The following RGS12 variants were observed in gnomAD, a reference collection of about 807,000 sequenced individuals.
RGS12 encodes the protein regulator of G protein signaling 12, also known as regulator of G-protein signaling 12.
RGS12 carries 66 observed loss-of-function variants against 120.1 expected under a neutral mutation model. That is an observed-to-expected ratio of 0.55 (90% confidence interval 0.45 to 0.67). The LOEUF is 0.67. Among genes scored for constraint, RGS12 ranks in the 30% least tolerant of loss-of-function variants. RGS12 has a pLI of 0.00. For missense variants in RGS12, 1,859 were observed against 1,957.7 expected, an observed-to-expected ratio of 0.95 and a Z score of 0.95; for synonymous variants, 827 against 804.7, an observed-to-expected ratio of 1.03 and a Z score of -0.47.
At chr4:3,307,343 G>A (rs566658006) in intron 1 of RGS12, among the ~76,000 whole-genome samples, 5 of 152,328 alleles carry the variant, frequency 3.3e-5, no homozygotes, top group African/African-American at 1.2e-4. Context: ...CATGAGGTCC[G>A]TCTCCACCAA....
intron 2 of RGS12, among the ~76,000 whole-genome samples, chr4:3,330,350 A>T (rs1711697321): frequency 6.6e-6 from 1 of 152,200 alleles, no homozygotes; most frequent in South Asian, 2.1e-4. Flanking sequence ...GAGGTCTTTC[A>T]TTAGCAAGTT....
At chr4:3,414,515 G>A (rs1722122554) in intron 5 of RGS12, 2 of 600,784 alleles carry the variant, frequency 3.3e-6, no homozygotes, top group East Asian at 5.5e-5. Flanking sequence ...CTTCCTATCT[G>A]TGTTAAGAAG....
At chr4:3,420,401 G>A (rs1722878309) in intron 9 of RGS12, 1 of 591,960 alleles carries the variant, frequency 1.7e-6, no homozygotes, top group East Asian at 2.9e-5. Context: ...AGACAGGGCA[G>A]AGAGTAGCAT....
rs117011900 is a variant in RGS12, at chr4:3,379,427, A to G, written c.1999-6989A>G. Among the ~76,000 whole-genome samples, 40 of 152,334 alleles carry G rather than the reference A, an allele frequency of 2.6e-4. No homozygotes were observed. The East Asian group carries it at 7.3e-3, about 28-fold the overall frequency. ...AGTGAGGTGGTGGAGGTACATGTTA[A>G]TTCACTTGATTGTGATAATCATATT... is the stretch of plus-strand genomic sequence containing the variant. On this transcript the variant is annotated intron_variant, in intron 3 of 17. Transcript: ENST00000336727.
chr4:3,360,004 C>T (rs180852524), intron 3 of RGS12, among the ~76,000 whole-genome samples: 4,623 of 152,242 alleles, frequency 0.03, 218 homozygotes, highest in African/African-American at 0.099. Flanking sequence ...AAGTGATCTG[C>T]CTGCCTTGGC....
rs73077162 is a variant in RGS12 at position 3,372,318 on chromosome 4, C to A, written c.1999-14098C>A. Reference sequence around the variant, plus strand: ...CCCTGGCAGGCAGCGGCCGTTCAGCCAGCCTGTGGCTGTCACAGGGTCCTG... The same window carrying A: ...CCCTGGCAGGCAGCGGCCGTTCAGCAAGCCTGTGGCTGTCACAGGGTCCTG... On this transcript the variant is annotated intron_variant, in intron 3 of 17. Transcript: ENST00000336727. The surrounding 1 kb of genome is among the most constrained non-coding windows in gnomAD (Gnocchi z 4.3). Among the ~76,000 whole-genome samples the A allele has an allele frequency of 0.03, 4,617 of 152,292 alleles. 198 individuals carry two copies. Among genetic ancestry groups the A allele is most frequent in the African/African-American group, 0.097 (4,011 of 41,552 alleles).
At chr4:3,310,658 G>T (rs1277380024) in intron 1 of RGS12, among the ~76,000 whole-genome samples, 1 of 151,994 alleles carries the variant, frequency 6.6e-6, no homozygotes, top group Admixed American at 6.6e-5. Flanking sequence ...GTATCAGATC[G>T]TCTGGTGTGT....
chr4:3,330,251 G>C (rs1211691580), intron 2 of RGS12, among the ~76,000 whole-genome samples: 2 of 152,146 alleles, frequency 1.3e-5, no homozygotes, highest in East Asian at 3.8e-4. Context: ...TATTTACTGT[G>C]AGCAATCCTA....
chr4:3,438,924 C>T (rs988980108), intron 17 of RGS12, among the ~76,000 whole-genome samples: 14 of 152,022 alleles, frequency 9.2e-5, no homozygotes, highest in Non-Finnish European at 1.3e-4. Flanking sequence ...GCTGAGGCAG[C>T]GAGGCAGGTG....
chr4:3,346,901 T>G (rs1713849314), intron 3 of RGS12, among the ~76,000 whole-genome samples: 1 of 152,208 alleles, frequency 6.6e-6, no homozygotes, highest in Non-Finnish European at 1.5e-5. Context: ...CAGGGTATTC[T>G]ATGCACGTTC....
intron 2 of RGS12, among the ~76,000 whole-genome samples, chr4:3,336,175 G>C (rs898608146): frequency 1.3e-5 from 2 of 152,058 alleles, no homozygotes; most frequent in Non-Finnish European, 2.9e-5. Flanking sequence ...CTGGGCCCCA[G>C]CTCCACCGGC....
chr4:3,414,599 C>G lies in RGS12; in HGVS notation c.2191-153C>G, dbSNP rs1319139533. On this transcript the variant is annotated intron_variant, in intron 5 of 17. Transcript: ENST00000336727. ...AACAGCTGGAAGCAGCAGTGCGGTT[C>G]CCTAAAGTGCTGGGCAGCGATGAGG... 10 of 647,232 alleles carry G rather than the reference C, an allele frequency of 1.5e-5. No individual in the cohort carries two copies. The South Asian group carries it at 1.7e-4, about 11-fold the overall frequency. 40.1% of individuals were successfully genotyped at this position (647,232 alleles called of 1,614,324 possible). A position where few individuals can be genotyped will look rare whatever the true frequency, so the allele number is the denominator to read the frequency against.
intron 3 of RGS12, among the ~76,000 whole-genome samples, chr4:3,383,470 G>A (rs1485917361): frequency 6.6e-6 from 1 of 152,070 alleles, no homozygotes; most frequent in African/African-American, 2.4e-5. Flanking sequence ...AGCTGAGCAT[G>A]TTGGTGAACT....
At chr4:3,393,398 T>TG (rs1291388984) in intron 4 of RGS12, among the ~76,000 whole-genome samples, 1 of 152,168 alleles carries the variant, frequency 6.6e-6, no homozygotes, top group Admixed American at 6.5e-5. Flanking sequence ...GTGAGGTCCC[T>TG]GGGCACTTTC....
chr4:3,380,173 T>G (rs1417549132), intron 3 of RGS12, among the ~76,000 whole-genome samples: 1 of 152,122 alleles, frequency 6.6e-6, no homozygotes, highest in East Asian at 1.9e-4. Flanking sequence ...AAGTCCAAAA[T>G]GCAATAGGGC....
chr4:3,331,396 T>A (rs147074454), intron 2 of RGS12, among the ~76,000 whole-genome samples: 2 of 151,060 alleles, frequency 1.3e-5, no homozygotes, highest in Non-Finnish European at 3.0e-5. Context: ...ACATATTTAC[T>A]AAAAAAAAAC....
At chr4:3,391,908 T>C (rs540859087) in intron 4 of RGS12, among the ~76,000 whole-genome samples, 2 of 152,318 alleles carry the variant, frequency 1.3e-5, no homozygotes, top group Admixed American at 1.3e-4. Context: ...ATGCTCATAA[T>C]CTGTGCACTT....
intron 17 of RGS12, chr4:3,432,112 G>C (rs1225725138): frequency 4.1e-6 from 4 of 985,366 alleles, no homozygotes; most frequent in Middle Eastern, 5.2e-4. Context: ...GGACACCTGT[G>C]TGGCTCTCAC....
Position 3,439,223 on chromosome 4 carries a change from C to A in RGS12, c.4115-232C>A, listed in dbSNP as rs190467418. ...GGGTTTCTGAGTGGGTCGGCTCCCC[C>A]ACTTGGTGGCAGGTGTTATGTGGAG... On this transcript the variant is annotated intron_variant, in intron 17 of 17. Coordinates refer to ENST00000336727, the MANE Select transcript of RGS12 (RefSeq NM_001394154.1). Among the ~76,000 whole-genome samples the A allele has an allele frequency of 1.4e-3, 211 of 152,204 alleles. 4 individuals carry two copies. The highest frequency in any genetic ancestry group is 9.9e-4 in the Non-Finnish European group (67 of 67,980).
Sources: gnomAD v4.1 joint callset for allele counts (sites outside exome capture counted in the v4.1 genomes callset) on GRCh38, gnomAD v4.1.1 for gene constraint, Gnocchi (gnomAD v3.1) non-coding constraint, MANE v1.5 for transcripts, NCBI Gene and HGNC (gene_info 2026-07-23, HGNC 2026-07-21) for gene names.